Variants in GORAB observed in about 807,000 individuals in gnomAD.
GORAB encodes golgin, RAB6 interacting.
A neutral mutation model predicts 29.9 loss-of-function variants in GORAB; 17 were observed. The observed-to-expected ratio is 0.57, with a 90% CI of 0.39 to 0.85. The LOEUF (loss-of-function observed/expected upper bound fraction) is 0.85, where lower values mean the gene tolerates loss of function less well. Among genes scored for constraint, GORAB ranks in the 40% least tolerant of loss-of-function variants. GORAB has a pLI of 0.00. For missense variants in GORAB, 442 were observed against 437.8 expected, an observed-to-expected ratio of 1.01 and a Z score of -0.09; for synonymous variants, 183 against 157.2, an observed-to-expected ratio of 1.16 and a Z score of -1.23.
At chr1:170,540,956 A>C (rs1321347321) in intron 2 of GORAB, among the ~76,000 whole-genome samples, 1 of 152,090 alleles carries the variant, frequency 6.6e-6, no homozygotes, top group East Asian at 1.9e-4. Flanking sequence ...TAATCCCAGC[A>C]CTTTGGGAGG....
In GORAB at chr1:170,552,813, T is replaced by C. The variant is rs1252034357; in HGVS notation, c.*351T>C. On this transcript the variant is annotated 3_prime_UTR_variant, in exon 5 of 5. Transcript: ENST00000367763. ...TGGAAAATGATACTCAATACCTAGT[T>C]AAACTCATTTCACTTCTCCTGGGAG... 1 of 456,678 alleles carries C rather than the reference T, an allele frequency of 2.2e-6. No homozygotes were observed. Among genetic ancestry groups the C allele is most frequent in the Non-Finnish European group, 4.4e-6 (1 of 228,704 alleles). 28.3% of individuals were successfully genotyped at this position (456,678 alleles called of 1,614,324 possible).
chr1:170,542,450 T>C, intron 2 of GORAB, 41 bp from the exon 3 acceptor site: 1 of 1,282,642 alleles, frequency 7.8e-7, no homozygotes, highest in East Asian at 2.3e-5. Context: ...CAGTTTCTTT[T>C]TCTTTCATAA....
intron 4 of GORAB, among the ~76,000 whole-genome samples, chr1:170,551,796 T>A (rs1247748146): frequency 6.6e-6 from 1 of 152,226 alleles, no homozygotes; most frequent in Non-Finnish European, 1.5e-5. Context: ...GAATAACATG[T>A]TTTCATTAGG....
rs1650187270 is a variant in GORAB at position 170,552,476 on chromosome 1, T to C, written c.*14T>C. On this transcript the variant is annotated 3_prime_UTR_variant, in exon 5 of 5. Transcript: ENST00000367763. ...TTGGCCACATGAAGTTCTGGTATTC[T>C]TTTGAGCTAATATGGTATTGAGTAA... 1 of 1,607,058 alleles carries C rather than the reference T, an allele frequency of 6.2e-7. No individual in the cohort carries two copies.
At chr1:170,538,468 T>C (rs556895039) in intron 1 of GORAB, among the ~76,000 whole-genome samples, 29 of 152,290 alleles carry the variant, frequency 1.9e-4, no homozygotes, top group Admixed American at 7.2e-4. Context: ...AACACTGGCA[T>C]GGACAGTCCA....
Position 170,552,926 on chromosome 1 carries a change from A to C in GORAB, c.*464A>C, listed in dbSNP as rs908483631. On this transcript the variant is annotated 3_prime_UTR_variant, in exon 5 of 5. Transcript: ENST00000367763. ...GTGTGAACAAGAGAAAAACAGGAAT[A>C]GAAGAAAAAAGTTGCAGGTTGAATT... is the stretch of plus-strand genomic sequence containing the variant. 2.2e-6 allele frequency: 1 copy of C among 450,410 alleles called. No individual in the cohort carries two copies. The highest frequency in any genetic ancestry group is 2.4e-5 in the Admixed American group (1 of 41,826). 27.9% of individuals were successfully genotyped at this position (450,410 alleles called of 1,614,324 possible).
Position 170,544,978 on chromosome 1 carries a change from CT to C in GORAB, c.662+137del. On this transcript the variant is annotated intron_variant, in intron 4 of 4. Coordinates refer to ENST00000367763, the MANE Select transcript of GORAB (RefSeq NM_152281.3). Reference sequence around the variant, plus strand: ...CCCATTCAGTGCTGTATTTATTCTTCTTTTGTGCTAATTCAAGTGTCTCCTC... The same window carrying C: ...CCCATTCAGTGCTGTATTTATTCTTCTTTGTGCTAATTCAAGTGTCTCCTC... 2.8e-6 allele frequency: 4 copies of C among 1,419,950 alleles called. No individual in the cohort carries two copies. The South Asian group carries it at 7.1e-5, about 25-fold the overall frequency. The allele number at this position is 1,419,950 out of a possible 1,614,324, so 88.0% of individuals were successfully genotyped here.
At chr1:170,550,514 A>G (rs542102600) in intron 4 of GORAB, among the ~76,000 whole-genome samples, 1 of 152,342 alleles carries the variant, frequency 6.6e-6, no homozygotes, top group African/African-American at 2.4e-5. Flanking sequence ...TTTTTACCTG[A>G]GCTAGTTTGA....
At chr1:170,545,368 T>C (rs962734902) in intron 4 of GORAB, 2 of 960,498 alleles carry the variant, frequency 2.1e-6, no homozygotes, top group African/African-American at 3.5e-5. Context: ...AAATTTGAAA[T>C]ATTTTCTCTT....
chr1:170,550,717 A>G lies in GORAB; in HGVS notation c.663-1298A>G, dbSNP rs1650051605. Among the ~76,000 whole-genome samples the G allele has an allele frequency of 1.3e-5, 2 of 152,330 alleles. 1 individual carries two copies. The highest frequency in any genetic ancestry group is 6.8e-3 in the Middle Eastern group (2 of 294). ...TCTTTTTTGCTATAACTCTTGTACTAGAAGCTACTTATTACACTAAGTTGA... is the reference window on the plus strand; with the variant it reads ...TCTTTTTTGCTATAACTCTTGTACTGGAAGCTACTTATTACACTAAGTTGA... On this transcript the variant is annotated intron_variant, in intron 4 of 4. Coordinates refer to ENST00000367763, the MANE Select transcript of GORAB (RefSeq NM_152281.3).
intron 3 of GORAB, 106 bp from the exon 4 acceptor site, chr1:170,544,599 T>C (rs2101827210): frequency 1.4e-6 from 1 of 724,300 alleles, no homozygotes; most frequent in South Asian, 2.7e-5. Flanking sequence ...TTTTAAAATA[T>C]AAATTATAAA....
At chr1:170,551,364 A>C (rs188479566) in intron 4 of GORAB, among the ~76,000 whole-genome samples, 46 of 152,174 alleles carry the variant, frequency 3.0e-4, no homozygotes, top group African/African-American at 1.1e-3. Flanking sequence ...CTTGATGTTT[A>C]CTTCTTGCCC....
At chr1:170,546,401 A>T (rs1404693628) in intron 4 of GORAB, among the ~76,000 whole-genome samples, 4 of 152,054 alleles carry the variant, frequency 2.6e-5, no homozygotes, top group African/African-American at 9.7e-5. Context: ...AAAAAAAAAA[A>T]GAAAGAAAAG....
chr1:170,551,928 GGAGTT>G (rs1650136501), intron 4 of GORAB, 82 bp from the exon 5 acceptor site: 2 of 1,127,858 alleles, frequency 1.8e-6, no homozygotes, highest in Admixed American at 1.9e-5. Context: ...TCCCAATTTT[GGAGTT>G]GAGTTATTGT....
Position 170,532,206 on chromosome 1 carries a change from T to G in GORAB, c.-18T>G. ...TGCGAGATTTGGGCACTTTTGGGGG[T>G]GCCGGTGGCCCGGGCCGATGGCGCA... On this transcript the variant is annotated 5_prime_UTR_variant, in exon 1 of 5. Coordinates refer to ENST00000367763, the MANE Select transcript of GORAB (RefSeq NM_152281.3). The G allele has an allele frequency of 6.2e-7, 1 of 1,613,682 alleles. No individual in the cohort carries two copies. The highest frequency in any genetic ancestry group is 8.5e-7 in the Non-Finnish European group (1 of 1,179,994).
intron 4 of GORAB, chr1:170,545,813 C>T: frequency 1.1e-6 from 1 of 889,480 alleles, no homozygotes; most frequent in Non-Finnish European, 1.3e-6. Flanking sequence ...GTCCTTGTGA[C>T]TTTTGTAATT....
At chr1:170,546,524 G>A (rs1463216859) in intron 4 of GORAB, among the ~76,000 whole-genome samples, 1 of 152,138 alleles carries the variant, frequency 6.6e-6, no homozygotes, top group Non-Finnish European at 1.5e-5. Context: ...AACAAAGAAG[G>A]TGGGATTACT....
At chr1:170,543,812 A>G (rs1649591817) in intron 3 of GORAB, among the ~76,000 whole-genome samples, 2 of 152,176 alleles carry the variant, frequency 1.3e-5, no homozygotes, top group African/African-American at 4.8e-5. Flanking sequence ...AGTGTAAGGA[A>G]ATACAACGTT....
chr1:170,553,539 A>G lies in GORAB; in HGVS notation c.*1077A>G, dbSNP rs995650501. ...ACTTTTTTTTTTTAAAAAAAGAATT[A>G]TTATCAGAGAACATAAGCACAAGTA... is the stretch of plus-strand genomic sequence containing the variant. On this transcript the variant is annotated 3_prime_UTR_variant, in exon 5 of 5. Transcript: ENST00000367763. 3.2e-5 allele frequency: 14 copies of G among 431,952 alleles called. No homozygotes were observed. In the East Asian group the frequency reaches 4.2e-4, roughly 13 times the overall value. The allele number at this position is 431,952 out of a possible 1,614,324, so 26.8% of individuals were successfully genotyped here.
Sources: allele counts gnomAD v4.1 joint callset (sites outside exome capture counted in the v4.1 genomes callset), GRCh38; gene constraint gnomAD v4.1.1; transcripts MANE v1.5; gene names NCBI Gene and HGNC (gene_info 2026-07-23, HGNC 2026-07-21).